The following PAFAH1B1 variants were observed in gnomAD, a reference collection of about 807,000 sequenced individuals.
PAFAH1B1 encodes platelet-activating factor acetylhydrolase IB subunit beta.
In PAFAH1B1, 2 loss-of-function variants were observed where a neutral mutation model predicts 57.5. The ratio of observed to expected loss-of-function variants is 0.03; its 90% CI spans 0.01 to 0.11. The LOEUF (loss-of-function observed/expected upper bound fraction) is 0.11, where lower values mean the gene tolerates loss of function less well. Among genes scored for constraint, PAFAH1B1 ranks in the 10% least tolerant of loss-of-function variants. The pLI is 1.00. For synonymous variants in PAFAH1B1, 152 were observed against 169.6 expected (o/e 0.90, Z 0.81); for missense variants, 257 against 512.0 (o/e 0.50, Z 4.81).
chr17:2,609,732 G>A (rs982940028), intron 1 of PAFAH1B1, among the ~76,000 whole-genome samples: 6 of 151,562 alleles, frequency 4.0e-5, no homozygotes, highest in Non-Finnish European at 7.4e-5. Flanking sequence ...GGCTGGTCTC[G>A]AACTCCTGAC....
chr17:2,638,472 AAC>A, intron 2 of PAFAH1B1, 152 bp downstream of exon 2: 1 of 680,080 alleles, frequency 1.5e-6, no homozygotes, highest in Non-Finnish European at 2.6e-6. Context: ...CTGATTTTAA[AAC>A]AGTCTTATTA....
intron 1 of PAFAH1B1, among the ~76,000 whole-genome samples, chr17:2,627,184 G>T (rs746975811): frequency 6.5e-4 from 99 of 152,164 alleles, no homozygotes; most frequent in Non-Finnish European, 1.1e-3. Flanking sequence ...ATGTCTAGAA[G>T]GGTTTTTCCA....
chr17:2,627,462 T>C (rs1415217103), intron 1 of PAFAH1B1, among the ~76,000 whole-genome samples: 1 of 152,212 alleles, frequency 6.6e-6, no homozygotes, highest in African/African-American at 2.4e-5. Flanking sequence ...GCCTATTTTT[T>C]ACCAGTGCCA....
intron 2 of PAFAH1B1, chr17:2,641,713 G>A (rs1450794416): frequency 6.6e-6 from 1 of 152,020 alleles, no homozygotes; most frequent in Non-Finnish European, 1.5e-5. Context: ...ACAAGCTTTG[G>A]TTCTTCTTAG....
At chr17:2,599,647 A>C (rs2068117656) in intron 1 of PAFAH1B1, among the ~76,000 whole-genome samples, 1 of 152,222 alleles carries the variant, frequency 6.6e-6, no homozygotes, top group African/African-American at 2.4e-5. Context: ...AATTAAGGTG[A>C]TGGAGGAAAG....
intron 2 of PAFAH1B1, among the ~76,000 whole-genome samples, chr17:2,657,287 A>G (rs1174891130): frequency 5.3e-5 from 8 of 152,206 alleles, no homozygotes; most frequent in Non-Finnish European, 1.0e-4. Context: ...TGTGTCACCC[A>G]GGCTGTAAGG....
At chr17:2,680,000 A>G in intron 9 of PAFAH1B1, 164 bp from the exon 10 acceptor site, 3 of 685,418 alleles carry the variant, frequency 4.4e-6, no homozygotes, top group Non-Finnish European at 7.6e-6. Flanking sequence ...TTCACTCCTC[A>G]TGTCTTATGA....
chr17:2,600,994 A>G (rs1444533816), intron 1 of PAFAH1B1, among the ~76,000 whole-genome samples: 2 of 152,012 alleles, frequency 1.3e-5, no homozygotes, highest in African/African-American at 2.4e-5. Flanking sequence ...AGTGTCTGAA[A>G]GTGCTAGGAT....
At chr17:2,672,388 C>T (rs962424970) in intron 6 of PAFAH1B1, among the ~76,000 whole-genome samples, 3 of 149,962 alleles carry the variant, frequency 2.0e-5, no homozygotes, top group South Asian at 2.1e-4. Context: ...TGTTGATAAT[C>T]GTGATGCCTT....
intron 1 of PAFAH1B1, among the ~76,000 whole-genome samples, chr17:2,625,706 G>A (rs12941801): frequency 6.6e-6 from 1 of 151,922 alleles, no homozygotes; most frequent in Non-Finnish European, 1.5e-5. Context: ...TGACAGAATC[G>A]CTTGAGCCCA....
At chr17:2,609,492 A>T (rs1271980581) in intron 1 of PAFAH1B1, 1 of 152,216 alleles carries the variant, frequency 6.6e-6, no homozygotes, top group African/African-American at 2.4e-5. Context: ...GAAAAGTAGA[A>T]AAGAGCATAT....
intron 1 of PAFAH1B1, among the ~76,000 whole-genome samples, chr17:2,595,433 T>A (rs1486130512): frequency 6.6e-6 from 1 of 150,912 alleles, no homozygotes; most frequent in East Asian, 1.9e-4. Flanking sequence ...TTTTTTTTTT[T>A]TTTTGCTGCA....
chr17:2,593,593 C>T (rs1344011435), upstream of PAFAH1B1, among the ~76,000 whole-genome samples: 1 of 149,394 alleles, frequency 6.7e-6, no homozygotes, highest in East Asian at 2.0e-4. Context: ...GGGTCTGGGG[C>T]GGCGGCGGCG....
intron 1 of PAFAH1B1, among the ~76,000 whole-genome samples, chr17:2,614,667 T>A (rs1055225295): frequency 1.3e-5 from 2 of 151,652 alleles, no homozygotes; most frequent in Admixed American, 1.3e-4. Flanking sequence ...CTTGAACTCC[T>A]GGGCTCAAGT....
At chr17:2,625,023 ATTTTT>A (rs57933573) in intron 1 of PAFAH1B1, among the ~76,000 whole-genome samples, 3 of 143,180 alleles carry the variant, frequency 2.1e-5, no homozygotes, top group Admixed American at 7.0e-5. Context: ...TATACTTTCT[ATTTTT>A]TTTTTTTTAA....
At chr17:2,606,045 TA>T (rs1419222123) in intron 1 of PAFAH1B1, among the ~76,000 whole-genome samples, 1 of 152,224 alleles carries the variant, frequency 6.6e-6, no homozygotes, top group Non-Finnish European at 1.5e-5. Context: ...TATACAAAGC[TA>T]GACAAGCCCT....
At chr17:2,673,861 T>C in intron 7 of PAFAH1B1, 199 bp from the exon 8 acceptor site, 2 of 565,888 alleles carry the variant, frequency 3.5e-6, no homozygotes, top group Non-Finnish European at 6.4e-6. Flanking sequence ...TTCTAGATGT[T>C]GATTTTATTA....
intron 1 of PAFAH1B1, among the ~76,000 whole-genome samples, chr17:2,606,664 T>C (rs972321571): frequency 6.6e-6 from 1 of 151,034 alleles, no homozygotes; most frequent in Non-Finnish European, 1.5e-5. Flanking sequence ...AAAATTTTAT[T>C]TTGTGTATTT....
At chr17:2,607,516 G>A (rs1471971323) in intron 1 of PAFAH1B1, among the ~76,000 whole-genome samples, 1 of 149,260 alleles carries the variant, frequency 6.7e-6, no homozygotes, top group Non-Finnish European at 1.5e-5. Context: ...ATGGAGTCCC[G>A]CTCTATCACC....
Sources: allele counts gnomAD v4.1 joint callset (sites outside exome capture counted in the v4.1 genomes callset), GRCh38; gene constraint gnomAD v4.1.1; transcripts MANE v1.5; gene names NCBI Gene and HGNC (gene_info 2026-07-23, HGNC 2026-07-21).